The following MALRD1 variants were observed in gnomAD, a reference collection of about 807,000 sequenced individuals.
MALRD1 encodes MAM and LDL receptor class A domain containing 1.
Under a neutral mutation model 242.1 loss-of-function variants are expected in MALRD1, and 247 were observed. That is an observed-to-expected ratio of 1.02 (90% CI 0.92 to 1.13). The LOEUF is 1.13. MALRD1 is among the 50% of genes most tolerant of loss of function. The pLI is 0.00. For synonymous variants in MALRD1, 995 were observed against 866.6 expected, an observed-to-expected ratio of 1.15 and a Z score of -2.60; for missense variants, 2,989 against 2,533.1, an observed-to-expected ratio of 1.18 and a Z score of -3.86.
At chr10:19,198,983 T>C (rs542821666) in intron 14 of MALRD1, among the ~76,000 whole-genome samples, 271 of 152,234 alleles carry the variant, frequency 1.8e-3, no homozygotes, top group Non-Finnish European at 3.4e-3. Context: ...AGCCTGAAAC[T>C]CAAAAGAATT....
chr10:19,497,948 A>T (rs1218537534), intron 30 of MALRD1, among the ~76,000 whole-genome samples: 1 of 152,214 alleles, frequency 6.6e-6, no homozygotes, highest in Non-Finnish European at 1.5e-5. Flanking sequence ...CAACACTTTT[A>T]GAAGAGAATT....
At chr10:19,155,257 A>C (rs1044725467) in intron 12 of MALRD1, 85 bp downstream of exon 12, 1 of 586,856 alleles carries the variant, frequency 1.7e-6, no homozygotes, top group Non-Finnish European at 2.5e-6. Context: ...ATTGCCCGCC[A>C]TGTTTTACTA....
intron 36 of MALRD1, among the ~76,000 whole-genome samples, chr10:19,691,317 A>G (rs775291692): frequency 1.3e-5 from 2 of 152,092 alleles, no homozygotes; most frequent in African/African-American, 4.8e-5. Flanking sequence ...TTTATATTTA[A>G]AGAAGCTGAT....
intron 21 of MALRD1, among the ~76,000 whole-genome samples, chr10:19,310,763 C>T (rs185563283): frequency 2.0e-5 from 3 of 151,526 alleles, no homozygotes; most frequent in East Asian, 2.0e-4. Flanking sequence ...TAAACGATCT[C>T]GTAATCATCT....
At chr10:19,337,223 A>G (rs1174421529) in intron 24 of MALRD1, among the ~76,000 whole-genome samples, 1 of 152,176 alleles carries the variant, frequency 6.6e-6, no homozygotes, top group African/African-American at 2.4e-5. Flanking sequence ...ATAGGTACAT[A>G]CTTACATATG....
intron 36 of MALRD1, among the ~76,000 whole-genome samples, chr10:19,668,131 A>G (rs1437162224): frequency 6.6e-6 from 1 of 152,182 alleles, no homozygotes; most frequent in Non-Finnish European, 1.5e-5. Flanking sequence ...CTCAAGAAAT[A>G]AATTTAGGGA....
intron 29 of MALRD1, among the ~76,000 whole-genome samples, chr10:19,456,882 C>T (rs1835686273): frequency 6.6e-6 from 1 of 151,878 alleles, no homozygotes; most frequent in Admixed American, 6.6e-5. Flanking sequence ...AAGCGATTCT[C>T]ATGCCTCAGC....
intron 28 of MALRD1, among the ~76,000 whole-genome samples, chr10:19,439,804 C>G (rs1337147670): frequency 6.6e-6 from 1 of 151,832 alleles, no homozygotes; most frequent in African/African-American, 2.4e-5. Flanking sequence ...TACTTTTTAT[C>G]CTCCTTCCCC....
rs1836942499 is a variant in MALRD1 at position 19,209,454 on chromosome 10, T to C, written c.2765T>C (p.Phe922Ser). ...ATAGAATCTTCAGAGCCACAGGCTT[T>C]TCAAGACAGTGCTGCCTTACTCAGC... ...LYIESSEPQA[F>S]QDSAALLSPI... Residue 922 changes from phenylalanine to serine, a missense_variant, in exon 18 of 40, where the codon TTT becomes TCT. Phe to Ser is a radical substitution (Grantham distance 155). Coordinates refer to ENST00000454679, the MANE Select transcript of MALRD1 (RefSeq NM_001142308.3). The C allele has an allele frequency of 6.4e-7, 1 of 1,550,898 alleles. No homozygotes were observed. The highest frequency in any genetic ancestry group is 2.4e-5 in the East Asian group (1 of 40,918).
At chr10:19,173,250 A>AT (rs1029674029) in intron 13 of MALRD1, among the ~76,000 whole-genome samples, 8 of 151,736 alleles carry the variant, frequency 5.3e-5, no homozygotes, top group Non-Finnish European at 1.2e-4. Context: ...TCTGTAACTT[A>AT]TTTTTTTTAC....
At chr10:19,203,992 A>C in intron 15 of MALRD1, 112 bp downstream of exon 15, 1 of 1,279,918 alleles carries the variant, frequency 7.8e-7, no homozygotes, top group Non-Finnish European at 1.1e-6. Flanking sequence ...ACAGTCAGAT[A>C]GTTGAATATT....
intron 36 of MALRD1, among the ~76,000 whole-genome samples, chr10:19,653,802 A>G (rs1054956904): frequency 6.6e-6 from 1 of 152,090 alleles, no homozygotes; most frequent in Non-Finnish European, 1.5e-5. Context: ...GTCCATGGTG[A>G]TCCATTTCAG....
chr10:19,666,265 C>G (rs1257034168), intron 36 of MALRD1, among the ~76,000 whole-genome samples: 5 of 152,202 alleles, frequency 3.3e-5, no homozygotes, highest in Non-Finnish European at 5.9e-5. Flanking sequence ...TGCTCTTGGT[C>G]CTTTCAATTC....
intron 29 of MALRD1, among the ~76,000 whole-genome samples, chr10:19,452,904 GT>G (rs1835407044): frequency 2.0e-5 from 3 of 152,240 alleles, no homozygotes; most frequent in Non-Finnish European, 4.4e-5. Flanking sequence ...TCTGGCTCAG[GT>G]AAGTTTCTTC....
intron 7 of MALRD1, among the ~76,000 whole-genome samples, chr10:19,127,950 T>C (rs1837334391): frequency 6.6e-6 from 1 of 152,292 alleles, no homozygotes; most frequent in South Asian, 2.1e-4. Context: ...TATGTAGGTT[T>C]CTTTTATAGG....
intron 10 of MALRD1, among the ~76,000 whole-genome samples, chr10:19,142,444 G>T (rs12769501): frequency 0.22 from 33,733 of 151,962 alleles, 4,412 homozygotes; most frequent in Admixed American, 0.32. Flanking sequence ...TACTTTTCAT[G>T]ATCCAGATTT....
intron 28 of MALRD1, among the ~76,000 whole-genome samples, chr10:19,427,559 A>G (rs898397879): frequency 3.3e-5 from 5 of 152,166 alleles, no homozygotes; most frequent in African/African-American, 9.7e-5. Flanking sequence ...GGATGGTAGC[A>G]CGGACATCAA....
chr10:19,703,351 C>A (rs184752903), intron 38 of MALRD1, among the ~76,000 whole-genome samples: 1 of 152,032 alleles, frequency 6.6e-6, no homozygotes, highest in Non-Finnish European at 1.5e-5. Context: ...GTATATGGGG[C>A]GAGGGCCACA....
At chr10:19,152,273 C>T (rs1007623549) in intron 11 of MALRD1, among the ~76,000 whole-genome samples, 11 of 152,112 alleles carry the variant, frequency 7.2e-5, no homozygotes, top group South Asian at 2.1e-4. Context: ...AATCAAGGGA[C>T]GTGTTCCTAG....
Sources: gnomAD v4.1 joint callset for allele counts (sites outside exome capture counted in the v4.1 genomes callset) on GRCh38, gnomAD v4.1.1 for gene constraint, MANE v1.5 for transcripts, NCBI Gene and HGNC (gene_info 2026-07-23, HGNC 2026-07-21) for gene names.